Variants in INPP5K observed in about 807,000 individuals in gnomAD.
INPP5K encodes the protein inositol polyphosphate 5-phosphatase K.
INPP5K carries 35 observed loss-of-function variants against 53.5 expected under a neutral mutation model. The ratio of observed to expected loss-of-function variants is 0.65; its 90% CI spans 0.50 to 0.87. INPP5K has a LOEUF of 0.87. Among genes scored for constraint, INPP5K ranks in the 40% least tolerant of loss-of-function variants. The pLI, the probability that INPP5K is intolerant of heterozygous loss-of-function variation, is 0.00. For synonymous variants in INPP5K, 253 were observed against 232.8 expected, an observed-to-expected ratio of 1.09 and a Z score of -0.79; for missense variants, 550 against 586.2, an observed-to-expected ratio of 0.94 and a Z score of 0.64.
intron 7 of INPP5K, among the ~76,000 whole-genome samples, chr17:1,501,435 G>A (rs762268377): frequency 1.1e-4 from 16 of 152,222 alleles, no homozygotes; most frequent in Non-Finnish European, 8.8e-5. Flanking sequence ...ATGCCCCTGG[G>A]CAAGTGACTT....
chr17:1,494,679 C>CG lies in INPP5K; in HGVS notation c.*1143dup, dbSNP rs1194213803. ...GGACAATTCTTCATACACAGGCTTGCGGGGGAGAGTATGCAACACAGAGCA... is the reference window on the plus strand; with the variant it reads ...GGACAATTCTTCATACACAGGCTTGCGGGGGGAGAGTATGCAACACAGAGCA... On this transcript the variant is annotated 3_prime_UTR_variant, in exon 12 of 12. Coordinates refer to ENST00000421807, the MANE Select transcript of INPP5K (RefSeq NM_016532.4). The CG allele has an allele frequency of 6.6e-6, 1 of 152,336 alleles. No individual in the cohort carries two copies. The highest frequency in any genetic ancestry group is 1.5e-5 in the Non-Finnish European group (1 of 68,180). 9.4% of individuals were successfully genotyped at this position (152,336 alleles called of 1,614,324 possible). A position where few individuals can be genotyped will look rare whatever the true frequency, so the allele number is the denominator to read the frequency against.
At chr17:1,501,430 C>T (rs2075010584) in intron 7 of INPP5K, among the ~76,000 whole-genome samples, 1 of 152,144 alleles carries the variant, frequency 6.6e-6, no homozygotes, top group South Asian at 2.1e-4. Flanking sequence ...GCTGTATGCC[C>T]CTGGGCAAGT....
At chr17:1,500,958 CTTTTT>C (rs546504445) in intron 7 of INPP5K, among the ~76,000 whole-genome samples, 3 of 135,308 alleles carry the variant, frequency 2.2e-5, no homozygotes, top group Admixed American at 1.5e-4. Context: ...TATTCAACTG[CTTTTT>C]TTTTTTTTTT....
rs866371136 is a variant in INPP5K at position 1,496,357 on chromosome 17, C to A, written c.1147G>T (p.Gly383Trp). 6.4e-7 allele frequency: 1 copy of A among 1,564,036 alleles called. No individual in the cohort carries two copies. The highest frequency in any genetic ancestry group is 1.2e-5 in the South Asian group (1 of 85,094). The part of the protein sequence containing the change: ...VNDYVSYAWV[G>W]DSKVSCSDNL... ...TCGCTGCAGGAGACCTTGCTGTCCC[C>A]GACCCAGGCATAGGACACGTAGTCA... The change falls in exon 10 of 12, where the codon GGG (glycine) becomes TGG (tryptophan). Residue 383 changes from glycine to tryptophan, a missense_variant. Coordinates refer to ENST00000421807, the MANE Select transcript of INPP5K (RefSeq NM_016532.4).
At chr17:1,513,727 G>A in intron 2 of INPP5K, 145 bp downstream of exon 2, 3 of 868,030 alleles carry the variant, frequency 3.5e-6, no homozygotes. Context: ...TGCTGACCCG[G>A]GACCAGAGAC....
rs181770679 is a variant in INPP5K, at chr17:1,497,597, C to T, written c.963+339G>A. On this transcript the variant is annotated intron_variant, in intron 8 of 11. Transcript: ENST00000421807. The stretch of plus-strand genomic sequence containing the variant: ...TACAAGGACGCAGGGATGGAGGGAG[C>T]GCCCGTTGCAACTTGATCCAGATAG... 3.9e-4 allele frequency among the ~76,000 whole-genome samples: 60 copies of T among 152,246 alleles called. 1 individual carries two copies. The East Asian group carries it at 0.01, about 26-fold the overall frequency.
rs267604750 is a variant in INPP5K, at chr17:1,498,042, G to A, written c.857C>T (p.Pro286Leu). 6.2e-7 allele frequency: 1 copy of A among 1,614,004 alleles called. No homozygotes were observed. Among genetic ancestry groups the A allele is most frequent in the Non-Finnish European group, 8.5e-7 (1 of 1,179,992 alleles). The change falls in exon 8 of 12, where the codon CCC (proline) becomes CTC (leucine). Residue 286 changes from proline (P) to leucine (L), a missense_variant. Transcript: ENST00000421807. ...GGAGAAGTGTGACGCCGGCGGTATG[G>A]GAGTGTCGGGGCCAGCACAGGGCTG... ...KRQPCAGPDT[P>L]IPPASHFSLS...
At position 1,509,236 on chromosome 17, in the gene INPP5K, G is replaced by C; in HGVS notation, c.496C>G (p.Arg166Gly). 1.9e-6 allele frequency: 3 copies of C among 1,614,034 alleles called. No individual in the cohort carries two copies. The highest frequency in any genetic ancestry group is 2.5e-6 in the Non-Finnish European group (3 of 1,180,004). ...TCACAATTCTGCATCTCCAGGATCCGGTCAAAGTGCTCCAGCCGCTGGTAA... is the reference window on the plus strand; with the variant it reads ...TCACAATTCTGCATCTCCAGGATCCCGTCAAAGTGCTCCAGCCGCTGGTAA... ...NNYQRLEHFD[R>G]ILEMQNCEGR... The change falls in exon 5 of 12, where the codon CGG (arginine) becomes GGG (glycine). Residue 166 changes from arginine (R) to glycine (G), a missense_variant. Transcript: ENST00000421807.
At chr17:1,506,689 G>T (rs1393415720) in intron 7 of INPP5K, among the ~76,000 whole-genome samples, 7 of 152,104 alleles carry the variant, frequency 4.6e-5, no homozygotes, top group Admixed American at 4.6e-4. Flanking sequence ...GTCCCTCCTA[G>T]GTCAGGAGGC....
intron 7 of INPP5K, among the ~76,000 whole-genome samples, chr17:1,505,638 CCT>C (rs2075135874): frequency 6.6e-6 from 1 of 152,210 alleles, no homozygotes; most frequent in Admixed American, 6.5e-5. Context: ...ACTCTTTCCC[CCT>C]TTCCTTGACA....
intron 7 of INPP5K, among the ~76,000 whole-genome samples, chr17:1,505,081 G>A (rs569307979): frequency 6.6e-6 from 1 of 152,344 alleles, no homozygotes; most frequent in African/African-American, 2.4e-5. Context: ...CTGGGAGAAG[G>A]GGACGCCTGG....
intron 7 of INPP5K, among the ~76,000 whole-genome samples, chr17:1,499,351 G>C (rs767303457): frequency 5.3e-5 from 8 of 152,154 alleles, no homozygotes; most frequent in Non-Finnish European, 7.4e-5. Context: ...ACATTAGCCA[G>C]GCATGGTGGC....
chr17:1,497,458 A>G (rs1197484539), intron 8 of INPP5K, among the ~76,000 whole-genome samples: 1 of 152,108 alleles, frequency 6.6e-6, no homozygotes, highest in Non-Finnish European at 1.5e-5. Context: ...TGGGCGGCAG[A>G]ACGAGACCCT....
rs890568819 is a variant in INPP5K at position 1,508,470 on chromosome 17, C to T, written c.555-244G>A. The T allele has an allele frequency of 5.9e-6, 3 of 504,744 alleles. No individual in the cohort carries two copies. The East Asian group carries it at 1.1e-4, about 18-fold the overall frequency. The allele number at this position is 504,744 out of a possible 1,614,324, so 31.3% of individuals were successfully genotyped here. Reference sequence around the variant, plus strand: ...AACACAGAGCAGGCTGTGGCCCTTCCTTCCTCTCCTTAACTGGTCACGAGG... The same window carrying T: ...AACACAGAGCAGGCTGTGGCCCTTCTTTCCTCTCCTTAACTGGTCACGAGG... On this transcript the variant is annotated intron_variant, in intron 5 of 11. Coordinates refer to ENST00000421807, the MANE Select transcript of INPP5K (RefSeq NM_016532.4).
chr17:1,506,861 G>T, intron 7 of INPP5K, 119 bp downstream of exon 7: 1 of 684,332 alleles, frequency 1.5e-6, no homozygotes, highest in Non-Finnish European at 2.5e-6. Context: ...ACTCTGGAGA[G>T]GGGATGACTA....
At chr17:1,501,163 C>T (rs1026804648) in intron 7 of INPP5K, among the ~76,000 whole-genome samples, 9 of 151,406 alleles carry the variant, frequency 5.9e-5, no homozygotes, top group East Asian at 1.9e-4. Flanking sequence ...TTTCACCATG[C>T]TGGCCAGGCT....
intron 7 of INPP5K, among the ~76,000 whole-genome samples, chr17:1,502,156 T>G (rs896562865): frequency 6.6e-6 from 1 of 151,826 alleles, no homozygotes; most frequent in South Asian, 2.1e-4. Flanking sequence ...GAGACCATCC[T>G]GGCTAACATG....
intron 3 of INPP5K, among the ~76,000 whole-genome samples, chr17:1,512,892 C>T (rs979527492): frequency 3.3e-5 from 5 of 152,150 alleles, no homozygotes; most frequent in African/African-American, 1.2e-4. Context: ...ACCAGCATAG[C>T]AATAAGGTAT....
At chr17:1,502,141 A>C (rs1002674846) in intron 7 of INPP5K, among the ~76,000 whole-genome samples, 4 of 152,066 alleles carry the variant, frequency 2.6e-5, no homozygotes, top group Non-Finnish European at 5.9e-5. Flanking sequence ...TGAGGTCAGG[A>C]CATGGAGACC....
Sources: allele counts gnomAD v4.1 joint callset (sites outside exome capture counted in the v4.1 genomes callset), GRCh38; gene constraint gnomAD v4.1.1; transcripts MANE v1.5; gene names NCBI Gene and HGNC (gene_info 2026-07-23, HGNC 2026-07-21).